Variants in NLRP1 observed in about 807,000 individuals in gnomAD.
NLRP1 encodes the protein NACHT, LRR and PYD domains-containing protein 1.
A neutral mutation model predicts 136.7 loss-of-function variants in NLRP1; 94 were observed. That is an observed-to-expected ratio of 0.69 (90% CI 0.58 to 0.82). NLRP1 has a LOEUF of 0.82. Among genes scored for constraint, NLRP1 ranks in the 40% least tolerant of loss-of-function variants. The pLI is 0.00. For synonymous variants in NLRP1, 690 were observed against 725.1 expected (o/e 0.95, Z 0.78); for missense variants, 1,575 against 1,802.7 (o/e 0.87, Z 2.29).
At chr17:5,557,525 C>T (rs193130013) in intron 4 of NLRP1, among the ~76,000 whole-genome samples, 82 of 152,332 alleles carry the variant, frequency 5.4e-4, no homozygotes, top group African/African-American at 1.9e-3. Flanking sequence ...TGTTTGTCTT[C>T]TCCCCTATTT....
At position 5,542,036 on chromosome 17, in the gene NLRP1, GAC is replaced by G. The variant is rs749139677; in HGVS notation, c.2529-11_2529-10del. ...GGCCACAGCCAGCCAACCTGTGGAAGACACACACCCATGGTCTTCAGGTTACT... is the reference window on the plus strand; with the variant it reads ...GGCCACAGCCAGCCAACCTGTGGAAGACACACCCATGGTCTTCAGGTTACT... On this transcript the variant is annotated splice_polypyrimidine_tract_variant and intron_variant, in intron 5 of 16. Coordinates refer to ENST00000572272, the MANE Select transcript of NLRP1 (RefSeq NM_033004.4). 4 of 1,611,550 alleles carry G rather than the reference GAC, an allele frequency of 2.5e-6. No homozygotes were observed. Among genetic ancestry groups the G allele is most frequent in the Non-Finnish European group, 3.4e-6 (4 of 1,179,170 alleles).
At chr17:5,580,883 C>T (rs1488472513) in intron 3 of NLRP1, among the ~76,000 whole-genome samples, 1 of 152,144 alleles carries the variant, frequency 6.6e-6, no homozygotes, top group East Asian at 1.9e-4. Flanking sequence ...CTTAGTTTAA[C>T]TCGAATGTTG....
chr17:5,511,673 C>A (rs537069385), downstream of NLRP1, among the ~76,000 whole-genome samples: 7 of 152,220 alleles, frequency 4.6e-5, no homozygotes, highest in East Asian at 1.2e-3. Context: ...GCGGGGCATG[C>A]GGGGGTTGCG....
chr17:5,558,547 C>CCAGAGAGTG lies in NLRP1; in HGVS notation c.2140_2148dup (p.His714_Leu716dup). The stretch of plus-strand genomic sequence containing the variant: ...GTCTCGTACAAGCAGTGGAGGGACT[C>CCAGAGAGTG]CAGAGAGTGTGGCTGCAGCAGCAGC... On this transcript the variant is annotated inframe_insertion, in exon 4 of 17. Coordinates refer to ENST00000572272, the MANE Select transcript of NLRP1 (RefSeq NM_033004.4). The CCAGAGAGTG allele has an allele frequency of 6.2e-7, 1 of 1,613,982 alleles. No individual in the cohort carries two copies. The highest frequency in any genetic ancestry group is 8.5e-7 in the Non-Finnish European group (1 of 1,180,016).
chr17:5,578,013 G>A (rs1347091310), intron 3 of NLRP1, among the ~76,000 whole-genome samples: 1 of 152,190 alleles, frequency 6.6e-6, no homozygotes. Flanking sequence ...ATGGGGAAAG[G>A]ATTCCCTATT....
downstream of NLRP1, chr17:5,512,349 C>T: frequency 1.5e-6 from 2 of 1,307,306 alleles, no homozygotes; most frequent in South Asian, 2.3e-5. Context: ...TAGCCTTACA[C>T]TTGGTTATTT....
chr17:5,556,857 C>T (rs1052382724), intron 4 of NLRP1, among the ~76,000 whole-genome samples: 3 of 152,112 alleles, frequency 2.0e-5, no homozygotes, highest in Admixed American at 1.3e-4. Context: ...CTCCTGACCT[C>T]AGGTGATCCA....
chr17:5,532,770 G>T (rs1468060670), intron 11 of NLRP1, 52 bp downstream of exon 11: 8 of 1,505,732 alleles, frequency 5.3e-6, no homozygotes, highest in Non-Finnish European at 7.1e-6. Flanking sequence ...ACCCAGGATG[G>T]GCAGTGGGGT....
chr17:5,572,121 C>T (rs1311607746), intron 3 of NLRP1, among the ~76,000 whole-genome samples: 3 of 152,066 alleles, frequency 2.0e-5, no homozygotes, highest in South Asian at 2.1e-4. Flanking sequence ...AAGTCTTAAA[C>T]GTAAAACCTA....
intron 4 of NLRP1, 123 bp from the exon 5 acceptor site, chr17:5,553,679 A>G (rs893340813): frequency 7.3e-6 from 6 of 820,168 alleles, no homozygotes; most frequent in East Asian, 2.6e-5. Flanking sequence ...GGGTAGTGCC[A>G]TCTCCAGTAC....
In NLRP1 at chr17:5,552,263, T is replaced by C. The variant is rs182127054; in HGVS notation, c.2528+1123A>G. The stretch of plus-strand genomic sequence containing the variant: ...ATTTCTTCTTTGACCCTTGGTTATT[T>C]AGGAGTGTGTTTTTAAATTTCAGTG... On this transcript the variant is annotated intron_variant, in intron 5 of 16. Transcript: ENST00000572272. 1.9e-4 allele frequency among the ~76,000 whole-genome samples: 29 copies of C among 152,302 alleles called. No homozygotes were observed. In the East Asian group the frequency reaches 4.0e-3, roughly 21 times the overall value.
chr17:5,576,929 C>T (rs1332014416), intron 3 of NLRP1, among the ~76,000 whole-genome samples: 1 of 152,198 alleles, frequency 6.6e-6, no homozygotes, highest in East Asian at 1.9e-4. Context: ...AAGTGGGCTT[C>T]ATCCCTGGGA....
intron 12 of NLRP1, among the ~76,000 whole-genome samples, chr17:5,526,639 G>A (rs1909587048): frequency 6.6e-6 from 1 of 152,192 alleles, no homozygotes; most frequent in Non-Finnish European, 1.5e-5. Context: ...CGAAGGACCC[G>A]AAGGACAAGG....
At position 5,584,181 on chromosome 17, in the gene NLRP1, C is replaced by T; in HGVS notation, c.-224G>A. 1.8e-6 allele frequency: 1 copy of T among 570,688 alleles called. No individual in the cohort carries two copies. Among genetic ancestry groups the T allele is most frequent in the Non-Finnish European group, 3.1e-6 (1 of 320,438 alleles). The allele number at this position is 570,688 out of a possible 1,614,324, so 35.4% of individuals were successfully genotyped here. Reference sequence around the variant, plus strand: ...GGAGCCCAGAGGGGCCTGCAAGACACTGGAAGAAGTCAGCTGATAGGGAGG... The same window carrying T: ...GGAGCCCAGAGGGGCCTGCAAGACATTGGAAGAAGTCAGCTGATAGGGAGG... On this transcript the variant is annotated 5_prime_UTR_variant, in exon 1 of 17. The change creates a new upstream start codon in the 5' untranslated region. Coordinates refer to ENST00000572272, the MANE Select transcript of NLRP1 (RefSeq NM_033004.4).
downstream of NLRP1, among the ~76,000 whole-genome samples, chr17:5,511,442 A>AAAAAAAG (rs1907620369): frequency 6.6e-6 from 1 of 151,574 alleles, no homozygotes. Flanking sequence ...CTCCGTCTAA[A>AAAAAAAG]AAAAAAAAAG....
intron 12 of NLRP1, among the ~76,000 whole-genome samples, chr17:5,526,881 G>A (rs1909620842): frequency 6.6e-6 from 1 of 152,240 alleles, no homozygotes; most frequent in African/African-American, 2.4e-5. Flanking sequence ...TCAAGCTCTA[G>A]CTATAGTGGG....
downstream of NLRP1, among the ~76,000 whole-genome samples, chr17:5,509,914 C>T (rs1907537762): frequency 6.6e-6 from 1 of 152,170 alleles, no homozygotes; most frequent in Admixed American, 6.5e-5. Context: ...ACACAGTGAT[C>T]CTGGAAGACT....
At chr17:5,513,979 G>C (rs1283478797), downstream of NLRP1, 1 of 152,154 alleles carries the variant, frequency 6.6e-6, no homozygotes, top group African/African-American at 2.4e-5. Context: ...TAGTCTGAAA[G>C]GGGGAAGAAC....
In NLRP1 at chr17:5,541,526, A is replaced by G. The variant is rs1030288537; in HGVS notation, c.2699+331T>C. 6.6e-6 allele frequency among the ~76,000 whole-genome samples: 1 copy of G among 152,178 alleles called. No individual in the cohort carries two copies. Among genetic ancestry groups the G allele is most frequent in the Non-Finnish European group, 1.5e-5 (1 of 68,020 alleles). ...AGAAGAATAGAAAAACACTGCTGCA[A>G]TCCTCATAGCTCTATGAAGTGGGCA... On this transcript the variant is annotated intron_variant, in intron 6 of 16. Transcript: ENST00000572272. This position sits in a 1 kb window ranked among gnomAD's most constrained non-coding sequence, Gnocchi z 4.2.
Sources: allele counts gnomAD v4.1 joint callset (sites outside exome capture counted in the v4.1 genomes callset), GRCh38; gene constraint gnomAD v4.1.1; non-coding constraint Gnocchi (gnomAD v3.1); transcripts MANE v1.5; gene names NCBI Gene and HGNC (gene_info 2026-07-23, HGNC 2026-07-21).